The following DISC1 variants were observed in gnomAD, a reference collection of about 807,000 sequenced individuals.
DISC1 encodes the protein disrupted in schizophrenia 1 protein.
A neutral mutation model predicts 84.5 loss-of-function variants in DISC1; 57 were observed. The ratio of observed to expected loss-of-function variants is 0.67; its 90% confidence interval spans 0.55 to 0.84. DISC1 has a LOEUF of 0.84. DISC1 is among the 40% of genes least tolerant of loss of function. DISC1 has a pLI of 0.00. For synonymous variants in DISC1, 411 were observed against 415.2 expected, an observed-to-expected ratio of 0.99 and a Z score of 0.12; for missense variants, 1,000 against 1,057.8, an observed-to-expected ratio of 0.95 and a Z score of 0.76.
chr1:231,722,830 T>G (rs1347873171), intron 3 of DISC1: 2 of 1,430,048 alleles, frequency 1.4e-6, no homozygotes, highest in Non-Finnish European at 1.8e-6. Flanking sequence ...TTCTGCCCAC[T>G]GTACCGTTTC....
At chr1:231,874,691 C>T (rs2085732193) in intron 9 of DISC1, among the ~76,000 whole-genome samples, 2 of 151,580 alleles carry the variant, frequency 1.3e-5, no homozygotes, top group South Asian at 4.2e-4. Flanking sequence ...GTGGGCGGAT[C>T]ACGAGGTCAG....
chr1:231,803,590 C>T (rs907310558), intron 8 of DISC1, among the ~76,000 whole-genome samples: 4 of 152,126 alleles, frequency 2.6e-5, no homozygotes, highest in Non-Finnish European at 5.9e-5. Context: ...GCCCTAGGAC[C>T]TCTTGCAACA....
At chr1:231,793,071 T>C (rs2078469291) in intron 6 of DISC1, among the ~76,000 whole-genome samples, 1 of 152,190 alleles carries the variant, frequency 6.6e-6, no homozygotes, top group Non-Finnish European at 1.5e-5. Flanking sequence ...TATTTACAAT[T>C]GAAACGAGTT....
intron 4 of DISC1, among the ~76,000 whole-genome samples, chr1:231,763,082 T>C (rs2075898329): frequency 6.6e-6 from 1 of 152,052 alleles, no homozygotes; most frequent in Non-Finnish European, 1.5e-5. Context: ...TGGGTGTGTG[T>C]GGATGTGACT....
chr1:231,774,318 G>A (rs1038107684), intron 6 of DISC1, among the ~76,000 whole-genome samples: 2 of 152,094 alleles, frequency 1.3e-5, no homozygotes, highest in Admixed American at 1.3e-4. Flanking sequence ...AACCAGAGCA[G>A]TTAAAAGGTA....
intron 3 of DISC1, among the ~76,000 whole-genome samples, chr1:231,740,744 A>G (rs1288175412): frequency 6.6e-6 from 1 of 152,214 alleles, no homozygotes; most frequent in African/African-American, 2.4e-5. Context: ...AAATTCATTT[A>G]TGTTTTTTGT....
intron 7 of DISC1, 33 bp from the exon 8 acceptor site, chr1:231,800,075 A>C: frequency 6.5e-7 from 1 of 1,548,424 alleles, no homozygotes; most frequent in African/African-American, 1.4e-5. Flanking sequence ...TAGCTGAATA[A>C]ATGATGATTC....
At chr1:231,846,684 G>A (rs1437398789) in intron 9 of DISC1, among the ~76,000 whole-genome samples, 1 of 152,168 alleles carries the variant, frequency 6.6e-6, no homozygotes, top group Non-Finnish European at 1.5e-5. Flanking sequence ...AGAATTTAAG[G>A]CAACATAGTA....
intron 4 of DISC1, among the ~76,000 whole-genome samples, chr1:231,764,442 G>A (rs1558503183): frequency 6.6e-6 from 1 of 152,116 alleles, no homozygotes; most frequent in Non-Finnish European, 1.5e-5. Flanking sequence ...AGAGCTGATA[G>A]CATTTTGGTG....
chr1:231,923,151 G>A (rs2090109347), intron 9 of DISC1, among the ~76,000 whole-genome samples: 2 of 151,936 alleles, frequency 1.3e-5, no homozygotes, highest in Non-Finnish European at 2.9e-5. Flanking sequence ...GCTGGGTGTG[G>A]TGGCATGCGT....
chr1:231,745,416 T>C, intron 3 of DISC1: 1 of 166,666 alleles, frequency 6.0e-6, no homozygotes, highest in Non-Finnish European at 1.3e-5. Context: ...GAGACGGGGT[T>C]TCACTATGTT....
intron 9 of DISC1, among the ~76,000 whole-genome samples, chr1:231,929,616 A>G (rs886368789): frequency 2.0e-5 from 3 of 152,184 alleles, no homozygotes; most frequent in African/African-American, 7.2e-5. Flanking sequence ...GGAAAATGCT[A>G]TGGGGAAGGT....
At chr1:231,716,940 G>C (rs1057054037) in intron 3 of DISC1, among the ~76,000 whole-genome samples, 5 of 152,122 alleles carry the variant, frequency 3.3e-5, no homozygotes, top group Non-Finnish European at 5.9e-5. Flanking sequence ...CTTGCATCCT[G>C]TCTAATAAAA....
chr1:232,027,238 C>T (rs1000942017), intron 12 of DISC1, among the ~76,000 whole-genome samples: 5 of 152,144 alleles, frequency 3.3e-5, no homozygotes, highest in Non-Finnish European at 5.9e-5. Flanking sequence ...CCTAAATCCA[C>T]CTCTGAATTT....
chr1:231,722,453 C>T, intron 3 of DISC1: 2 of 1,593,662 alleles, frequency 1.3e-6, no homozygotes, highest in Non-Finnish European at 1.7e-6. Context: ...GCATAAACAT[C>T]ACAGTGCTTC....
At chr1:232,017,222 A>G (rs1196513129) in intron 11 of DISC1, among the ~76,000 whole-genome samples, 1 of 152,308 alleles carries the variant, frequency 6.6e-6, no homozygotes, top group East Asian at 1.9e-4. Flanking sequence ...AACTAAGGAA[A>G]TAGTTTGATG....
chr1:231,702,628 G>A, intron 3 of DISC1: 1 of 983,188 alleles, frequency 1.0e-6, no homozygotes, highest in Non-Finnish European at 1.2e-6. Context: ...CTGATCTGAG[G>A]CCAGGAAAAC....
chr1:231,779,621 T>C lies in DISC1; in HGVS notation c.1634+8551T>C, dbSNP rs2077234207. On this transcript the variant is annotated intron_variant, in intron 6 of 12. Transcript: ENST00000439617. ...TGTCGCCCAGGCTGCAGTGCGGTGGTGCATCTCAGCTCACTGCAAGCTCCA... is the reference window on the plus strand; with the variant it reads ...TGTCGCCCAGGCTGCAGTGCGGTGGCGCATCTCAGCTCACTGCAAGCTCCA... 2.9e-5 allele frequency among the ~76,000 whole-genome samples: 4 copies of C among 139,456 alleles called. No individual in the cohort carries two copies. The South Asian group carries it at 9.7e-4, about 34-fold the overall frequency. 91.5% of individuals were successfully genotyped at this position (139,456 alleles called of 152,430 possible). A position where few individuals can be genotyped will look rare whatever the true frequency, so the allele number is the denominator to read the frequency against.
chr1:231,838,824 C>T (rs753088965), intron 9 of DISC1, among the ~76,000 whole-genome samples: 1 of 152,190 alleles, frequency 6.6e-6, no homozygotes, highest in Non-Finnish European at 1.5e-5. Flanking sequence ...CACCGCCTGG[C>T]CTCTCATTCA....
Sources: allele counts gnomAD v4.1 joint callset (sites outside exome capture counted in the v4.1 genomes callset), GRCh38; gene constraint gnomAD v4.1.1; transcripts MANE v1.5; gene names NCBI Gene and HGNC (gene_info 2026-07-23, HGNC 2026-07-21).